Variants in LRCH1 observed in about 807,000 individuals in gnomAD.
LRCH1 encodes the protein leucine rich repeats and calponin homology domain containing 1.
A neutral mutation model predicts 94.9 loss-of-function variants in LRCH1; 23 were observed. The observed-to-expected ratio is 0.24, with a 90% CI of 0.17 to 0.34. LRCH1 has a LOEUF of 0.34. Among genes scored for constraint, LRCH1 ranks in the 10% least tolerant of loss-of-function variants. The pLI is 1.00. For synonymous variants in LRCH1, 364 were observed against 354.9 expected, an observed-to-expected ratio of 1.03 and a Z score of -0.29; for missense variants, 790 against 945.9, an observed-to-expected ratio of 0.84 and a Z score of 2.16.
At chr13:46,623,395 G>A (rs2050903579) in intron 1 of LRCH1, among the ~76,000 whole-genome samples, 1 of 152,052 alleles carries the variant, frequency 6.6e-6, no homozygotes, top group African/African-American at 2.4e-5. Context: ...TGCAGGATAA[G>A]GAAAGCCACA....
chr13:46,745,891 G>A (rs140099296), downstream of LRCH1, among the ~76,000 whole-genome samples: 417 of 152,282 alleles, frequency 2.7e-3, 2 homozygotes, highest in African/African-American at 9.8e-3. Context: ...CCTGTTCCCA[G>A]CAGGTGTTTC....
At chr13:46,615,406 C>G (rs2050795848) in intron 1 of LRCH1, among the ~76,000 whole-genome samples, 1 of 152,124 alleles carries the variant, frequency 6.6e-6, no homozygotes, top group African/African-American at 2.4e-5. Context: ...ATGGCAAGGA[C>G]AGGACCAAGC....
Position 46,694,981 on chromosome 13 carries a change from A to C in LRCH1, c.1209A>C (p.Arg403Ser). Residue 403 changes from arginine to serine, a missense_variant, in exon 9 of 20, where the codon AGA (arginine) becomes AGC (serine). This residue lies in a region of LRCH1 where 460 missense variants were observed against 508.9 expected (regional missense o/e 0.90). Coordinates refer to ENST00000389797, the MANE Select transcript of LRCH1 (RefSeq NM_001164211.2). ...AAGAAAGAGACCAGTTTACTGATAGAGCAGATGGTCTCCATTCGGAATTTA... is the reference window on the plus strand; with the variant it reads ...AAGAAAGAGACCAGTTTACTGATAGCGCAGATGGTCTCCATTCGGAATTTA... ...SGEERDQFTD[R>S]ADGLHSEFMN... 1.2e-6 allele frequency: 2 copies of C among 1,614,096 alleles called. No individual in the cohort carries two copies. Among genetic ancestry groups the C allele is most frequent in the Non-Finnish European group, 1.7e-6 (2 of 1,179,942 alleles).
intron 1 of LRCH1, among the ~76,000 whole-genome samples, chr13:46,594,016 A>G (rs1352868338): frequency 6.6e-6 from 1 of 151,912 alleles, no homozygotes; most frequent in African/African-American, 2.4e-5. Flanking sequence ...ATCTCCTTGA[A>G]CTAGAGAATG....
chr13:46,750,715 G>C, exon 19 of LRCH1: 2 of 1,151,172 alleles, frequency 1.7e-6, no homozygotes, highest in Non-Finnish European at 2.5e-6. Flanking sequence ...CTCTGCTCCA[G>C]GCACCTGTTC....
chr13:46,553,227 TCCCC>T lies in LRCH1; in HGVS notation c.-169_-166del. 1 of 414,408 alleles carries T rather than the reference TCCCC, an allele frequency of 2.4e-6. No homozygotes were observed. Among genetic ancestry groups the T allele is most frequent in the Non-Finnish European group, 4.4e-6 (1 of 225,712 alleles). The allele number at this position is 414,408 out of a possible 1,614,324, so 25.7% of individuals were successfully genotyped here. A position where few individuals can be genotyped will look rare whatever the true frequency, so the allele number is the denominator to read the frequency against. Reference sequence around the variant, plus strand: ...TCAAGACCGAGCTGCCACGGCCGCCTCCCCGCCCGCCCCCCATTCTACGCGCCTG... The same window carrying T: ...TCAAGACCGAGCTGCCACGGCCGCCTGCCCGCCCCCCATTCTACGCGCCTG... On this transcript the variant is annotated 5_prime_UTR_variant, in exon 1 of 20. Coordinates refer to ENST00000389797, the MANE Select transcript of LRCH1 (RefSeq NM_001164211.2).
intron 1 of LRCH1, among the ~76,000 whole-genome samples, chr13:46,619,055 CTTT>C: frequency 6.6e-6 from 1 of 150,440 alleles, no homozygotes; most frequent in Non-Finnish European, 1.5e-5. Context: ...CTTTTCTTTT[CTTT>C]TCTTTTTTCC....
intron 19 of LRCH1, among the ~76,000 whole-genome samples, chr13:46,740,323 C>A (rs1397154008): frequency 6.6e-6 from 1 of 152,142 alleles, no homozygotes; most frequent in African/African-American, 2.4e-5. Flanking sequence ...ATGATTTATT[C>A]ATCTTAAAAA....
chr13:46,718,152 G>T (rs771819173), intron 16 of LRCH1, among the ~76,000 whole-genome samples: 2 of 151,968 alleles, frequency 1.3e-5, no homozygotes, highest in Non-Finnish European at 2.9e-5. Flanking sequence ...ATCTTCTTTG[G>T]GGTCATTTTT....
chr13:46,631,450 G>A (rs966412494), intron 1 of LRCH1, among the ~76,000 whole-genome samples: 1 of 152,212 alleles, frequency 6.6e-6, no homozygotes, highest in Non-Finnish European at 1.5e-5. Context: ...TGATGATAAT[G>A]AGGCAGGTCT....
chr13:46,715,306 A>T (rs916959690), intron 15 of LRCH1, among the ~76,000 whole-genome samples: 4 of 152,200 alleles, frequency 2.6e-5, no homozygotes, highest in African/African-American at 9.6e-5. Flanking sequence ...AACTGTTAAG[A>T]TTAACAAATA....
intron 18 of LRCH1, among the ~76,000 whole-genome samples, chr13:46,732,104 TA>T (rs1176451934): frequency 6.6e-6 from 1 of 152,210 alleles, no homozygotes; most frequent in Non-Finnish European, 1.5e-5. Context: ...AGTAAAGCAA[TA>T]AATGCAGTTG....
At position 46,741,649 on chromosome 13, in the gene LRCH1, T is replaced by G; in HGVS notation, c.2093T>G (p.Leu698Arg). The G allele has an allele frequency of 6.2e-7, 1 of 1,614,170 alleles. No individual in the cohort carries two copies. ...CRKLGVPEADLCSPCDILQLD... is the reference protein window; with the variant it reads ...CRKLGVPEADRCSPCDILQLD... ...TGGCTGCCCTCGGAATAGGCTGACC[T>G]CTGCTCTCCGTGTGACATCCTGCAG... The change falls in exon 20 of 20, where the codon CTC (leucine) becomes CGC (arginine). Residue 698 changes from leucine to arginine, a missense_variant. This residue lies in a region of LRCH1 where 460 missense variants were observed against 508.9 expected (regional missense o/e 0.90). Coordinates refer to ENST00000389797, the MANE Select transcript of LRCH1 (RefSeq NM_001164211.2).
intron 1 of LRCH1, among the ~76,000 whole-genome samples, chr13:46,616,506 G>A (rs758495094): frequency 6.6e-5 from 10 of 152,136 alleles, no homozygotes; most frequent in African/African-American, 2.4e-4. Flanking sequence ...TATTTAGAGA[G>A]TTTCTGAAAA....
chr13:46,647,794 CTTTTTT>C (rs10718141), intron 1 of LRCH1, among the ~76,000 whole-genome samples: 1 of 126,866 alleles, frequency 7.9e-6, no homozygotes. Flanking sequence ...AGGTAGTCAT[CTTTTTT>C]TTTTTTTTTT....
chr13:46,588,823 G>A (rs1012093095), intron 1 of LRCH1, among the ~76,000 whole-genome samples: 15 of 151,588 alleles, frequency 9.9e-5, no homozygotes, highest in African/African-American at 2.4e-4. Flanking sequence ...GGCTGGTCTC[G>A]AACTCCTGAT....
chr13:46,628,686 G>A lies in LRCH1; in HGVS notation c.308-21515G>A, dbSNP rs529977214. On this transcript the variant is annotated intron_variant, in intron 1 of 19. Coordinates refer to ENST00000389797, the MANE Select transcript of LRCH1 (RefSeq NM_001164211.2). Reference sequence around the variant, plus strand: ...AAGAAAAAAAAAAAAAAAACACAAGGCCCGGCAGGCTGAGACCATGACAGG... The same window carrying A: ...AAGAAAAAAAAAAAAAAAACACAAGACCCGGCAGGCTGAGACCATGACAGG... 3.3e-4 allele frequency among the ~76,000 whole-genome samples: 50 copies of A among 151,296 alleles called. 1 individual carries two copies. Among genetic ancestry groups the A allele is most frequent in the Non-Finnish European group, 5.0e-4 (34 of 67,764 alleles).
chr13:46,740,769 C>T (rs1279382901), intron 19 of LRCH1, among the ~76,000 whole-genome samples: 1 of 152,122 alleles, frequency 6.6e-6, no homozygotes, highest in Non-Finnish European at 1.5e-5. Context: ...GCATGTGAGA[C>T]AATTGTTTGC....
At chr13:46,668,728 CGGGGTGG>C in intron 2 of LRCH1, among the ~76,000 whole-genome samples, 1 of 2,676 alleles carries the variant, frequency 3.7e-4, no homozygotes, top group Non-Finnish European at 8.6e-4. Flanking sequence ...GTGGCGGTGG[CGGGGTGG>C]CGGGGTGGCG....
Sources: gnomAD v4.1 joint callset for allele counts (sites outside exome capture counted in the v4.1 genomes callset) on GRCh38, gnomAD v4.1.1 for gene constraint, gnomAD v4.1.1 regional missense constraint, MANE v1.5 for transcripts, NCBI Gene and HGNC (gene_info 2026-07-23, HGNC 2026-07-21) for gene names.